STXBP4: variants seen among roughly 807,000 people sequenced by gnomAD.
STXBP4 encodes the protein syntaxin binding protein 4, also known as syntaxin-binding protein 4.
STXBP4 carries 55 observed loss-of-function variants against 76.1 expected under a neutral mutation model. That is an observed-to-expected ratio of 0.72 (90% CI 0.58 to 0.91). The LOEUF (loss-of-function observed/expected upper bound fraction) is 0.91. STXBP4 is among the 40% of genes least tolerant of loss of function. The pLI is 0.00. For synonymous variants in STXBP4, 201 were observed against 220.2 expected (o/e 0.91, Z 0.77); for missense variants, 618 against 636.9 (o/e 0.97, Z 0.32).
intron 13 of STXBP4, among the ~76,000 whole-genome samples, chr17:55,075,993 G>C (rs1486147703): frequency 6.6e-6 from 1 of 152,092 alleles, no homozygotes. Flanking sequence ...TCTGTGAAAT[G>C]CTTCTTCATA....
intron 4 of STXBP4, among the ~76,000 whole-genome samples, chr17:54,995,184 C>T (rs183004694): frequency 2.4e-4 from 36 of 152,118 alleles, no homozygotes; most frequent in African/African-American, 8.2e-4. Context: ...TATGAATGAA[C>T]GGTCCCGTAG....
chr17:55,008,250 A>G (rs973776220), intron 8 of STXBP4, among the ~76,000 whole-genome samples: 1 of 152,076 alleles, frequency 6.6e-6, no homozygotes, highest in Non-Finnish European at 1.5e-5. Context: ...CTGCTGAAAG[A>G]CCACAAACTC....
At chr17:55,007,641 A>C in intron 8 of STXBP4, 44 bp downstream of exon 8, 1 of 1,458,750 alleles carries the variant, frequency 6.9e-7, no homozygotes, top group Non-Finnish European at 9.5e-7. Context: ...AGACAAAAAC[A>C]GGAAAGAAGT....
rs34367861 is a variant in STXBP4, at chr17:55,081,092, A to G, written c.1398A>G (p.Pro466=). 4,777 of 1,553,838 alleles carry G rather than the reference A, an allele frequency of 3.1e-3. 21 individuals carry two copies. The highest frequency in any genetic ancestry group is 3.8e-3 in the Non-Finnish European group (4,390 of 1,155,658). ...AVLASQTSLT[P]LGRNGRSIPA... is the part of the protein sequence containing the mutation. The stretch of plus-strand genomic sequence containing the variant: ...TAGCTTCTCAGACTTCCCTCACACC[A>G]CTGGGAAGGAATGGACGTAGCATCC... The change falls in exon 16 of 18, where the codon CCA becomes CCG. Residue 466 remains proline, a synonymous_variant. Transcript: ENST00000376352.
At chr17:54,999,123 A>C (rs1295383201) in intron 4 of STXBP4, among the ~76,000 whole-genome samples, 1 of 152,108 alleles carries the variant, frequency 6.6e-6, no homozygotes, top group Non-Finnish European at 1.5e-5. Flanking sequence ...TTACCACGTA[A>C]ATTTATTCAT....
intron 4 of STXBP4, among the ~76,000 whole-genome samples, chr17:54,993,217 A>T (rs192958917): frequency 6.6e-6 from 1 of 152,176 alleles, no homozygotes; most frequent in African/African-American, 2.4e-5. Context: ...AAATTTTCTC[A>T]TTGACTATAT....
the STXBP4 span, among the ~76,000 whole-genome samples, chr17:55,202,346 G>C: frequency 2.6e-5 from 4 of 151,946 alleles, no homozygotes; most frequent in Non-Finnish European, 5.9e-5. Context: ...ATATAAACAG[G>C]TATTGAGTAG....
intron 1 of STXBP4, among the ~76,000 whole-genome samples, chr17:54,981,251 A>G: frequency 6.6e-6 from 1 of 152,168 alleles, no homozygotes; most frequent in Non-Finnish European, 1.5e-5. Context: ...TTTGAATTTA[A>G]TGTGTAAAAA....
At chr17:55,188,571 G>A in the STXBP4 span, among the ~76,000 whole-genome samples, 1 of 152,254 alleles carries the variant, frequency 6.6e-6, no homozygotes, top group East Asian at 1.9e-4. Context: ...TAACAGAAGG[G>A]CCCTTTATTA....
At chr17:55,126,691 G>A (rs948047899) in intron 16 of STXBP4, among the ~76,000 whole-genome samples, 5 of 152,200 alleles carry the variant, frequency 3.3e-5, no homozygotes, top group African/African-American at 1.2e-4. Flanking sequence ...CCTGCTAACA[G>A]CTAGACAAGG....
chr17:55,003,527 G>A lies in STXBP4; in HGVS notation c.574+2644G>A, dbSNP rs570284894. ...ATACATTGTGATTTGCATATTATAA[G>A]TACCTAATTATAGATTGTTACAAAT... On this transcript the variant is annotated intron_variant, in intron 7 of 17. Transcript: ENST00000376352. Among the ~76,000 whole-genome samples, 15 of 152,142 alleles carry A rather than the reference G, an allele frequency of 9.9e-5. No individual in the cohort carries two copies. In the South Asian group the frequency reaches 2.9e-3, roughly 29 times the overall value.
chr17:55,184,645 T>C, the STXBP4 span, among the ~76,000 whole-genome samples: 2 of 152,226 alleles, frequency 1.3e-5, no homozygotes, highest in Non-Finnish European at 2.9e-5. Context: ...TAATCTCTAG[T>C]CTTCAAGTGT....
At chr17:54,982,891 A>G (rs1467259522) in intron 1 of STXBP4, among the ~76,000 whole-genome samples, 1 of 152,136 alleles carries the variant, frequency 6.6e-6, no homozygotes, top group Admixed American at 6.5e-5. Context: ...TGGTGAATCA[A>G]ACTTTTTACC....
chr17:55,086,972 G>GTGT (rs1162134209), intron 16 of STXBP4, among the ~76,000 whole-genome samples: 1 of 152,082 alleles, frequency 6.6e-6, no homozygotes, highest in Non-Finnish European at 1.5e-5. Flanking sequence ...GGGTGAGATG[G>GTGT]TAACTCATTG....
chr17:55,081,015 G>A lies in STXBP4; in HGVS notation c.1356-35G>A, dbSNP rs770192999. 5.7e-6 allele frequency: 8 copies of A among 1,404,920 alleles called. No homozygotes were observed. The African/African-American group carries it at 1.0e-4, about 18-fold the overall frequency. The allele number at this position is 1,404,920 out of a possible 1,614,324, so 87.0% of individuals were successfully genotyped here. A position where few individuals can be genotyped will look rare whatever the true frequency, so the allele number is the denominator to read the frequency against. ...AGTAAAGATAGATGTTGTTTATTGT[G>A]TAGTAAGTTCAACTTTATTTTATTG... On this transcript the variant is annotated intron_variant, in intron 15 of 17. Transcript: ENST00000376352.
chr17:55,016,702 C>A (rs986320580), intron 8 of STXBP4, among the ~76,000 whole-genome samples: 2 of 152,160 alleles, frequency 1.3e-5, no homozygotes, highest in African/African-American at 2.4e-5. Context: ...CTGGTTGGTC[C>A]TTTGTATGGT....
intron 17 of STXBP4, among the ~76,000 whole-genome samples, chr17:55,153,615 G>A (rs548597030): frequency 2.6e-5 from 4 of 152,094 alleles, no homozygotes; most frequent in Non-Finnish European, 5.9e-5. Context: ...TAATTAAGAA[G>A]AATGTTTAGT....
At chr17:55,139,034 A>G (rs934899630) in intron 16 of STXBP4, among the ~76,000 whole-genome samples, 8 of 152,166 alleles carry the variant, frequency 5.3e-5, no homozygotes. Context: ...AACAGAGAAC[A>G]TCTTCTAAAA....
intron 12 of STXBP4, among the ~76,000 whole-genome samples, chr17:55,047,752 C>G (rs1406761050): frequency 2.6e-5 from 4 of 151,730 alleles, no homozygotes; most frequent in Non-Finnish European, 4.4e-5. Context: ...CTCACACAGT[C>G]CCCCTAGAAA....
Sources: gnomAD v4.1 joint callset for allele counts (sites outside exome capture counted in the v4.1 genomes callset) on GRCh38, gnomAD v4.1.1 for gene constraint, MANE v1.5 for transcripts, NCBI Gene and HGNC (gene_info 2026-07-23, HGNC 2026-07-21) for gene names.